The following PLAC1 variants were observed in gnomAD, a reference collection of about 807,000 sequenced individuals.
The protein encoded by PLAC1 is placenta associated 1, also known as placenta-specific protein 1.
For synonymous variants in PLAC1, 68 were observed against 62.1 expected (o/e 1.09, Z -0.44); for missense variants, 136 against 163.2 (o/e 0.83, Z 0.91).
intron 2 of PLAC1, among the ~76,000 whole-genome samples, chrX:134,726,329 T>G (rs189461447): frequency 9.0e-6 from 1 of 111,474 alleles, no homozygotes; most frequent in African/African-American, 3.3e-5. Context: ...AGGGGTCTCC[T>G]TGCAGATCCA....
intron 2 of PLAC1, among the ~76,000 whole-genome samples, chrX:134,675,096 T>C (rs2078468739): frequency 1.8e-5 from 2 of 112,293 alleles, no homozygotes; most frequent in African/African-American, 6.5e-5. Context: ...CGTCACTTAA[T>C]GCATCGAACT....
intron 2 of PLAC1, among the ~76,000 whole-genome samples, chrX:134,598,765 A>G (rs1340251101): frequency 9.0e-6 from 1 of 111,432 alleles, no homozygotes; most frequent in Non-Finnish European, 1.9e-5. Flanking sequence ...TTTGTGGGGG[A>G]TGAAATTCAG....
At chrX:134,625,179 A>T (rs2078230138) in intron 1 of PLAC1, among the ~76,000 whole-genome samples, 1 of 111,985 alleles carries the variant, frequency 8.9e-6, no homozygotes, top group African/African-American at 3.2e-5. Flanking sequence ...CAATATCTTA[A>T]TTCATCCCAG....
At chrX:134,672,787 G>A (rs1260706323) in intron 2 of PLAC1, among the ~76,000 whole-genome samples, 1 of 112,868 alleles carries the variant, frequency 8.9e-6, no homozygotes, top group Non-Finnish European at 1.9e-5. Flanking sequence ...ACAATGCCCT[G>A]TAATAGGCAA....
intron 1 of PLAC1, among the ~76,000 whole-genome samples, chrX:134,744,409 T>C (rs2147848762): frequency 8.9e-6 from 1 of 111,954 alleles, no homozygotes; most frequent in South Asian, 3.8e-4. Flanking sequence ...CCTAGAATTA[T>C]ATCAGGTGAC....
intron 2 of PLAC1, among the ~76,000 whole-genome samples, chrX:134,724,956 C>T (rs1014531678): frequency 1.8e-5 from 2 of 109,502 alleles, no homozygotes; most frequent in African/African-American, 3.3e-5. Context: ...GAGCTGTGAT[C>T]GTGCCACTGC....
intron 1 of PLAC1, among the ~76,000 whole-genome samples, chrX:134,610,872 G>A (rs775466446): frequency 1.1e-4 from 12 of 111,343 alleles, no homozygotes; most frequent in Non-Finnish European, 2.3e-4. Context: ...CTGTTGCCCC[G>A]GCTAGAGTGC....
At chrX:134,690,449 T>C (rs146876273) in intron 2 of PLAC1, among the ~76,000 whole-genome samples, 2,352 of 110,811 alleles carry the variant, frequency 0.021, 31 homozygotes, top group Non-Finnish European at 0.028. Context: ...TTTGAGAAAA[T>C]ACCAAGACAA....
chrX:134,610,435 C>T (rs2078147001), intron 1 of PLAC1, among the ~76,000 whole-genome samples: 1 of 111,124 alleles, frequency 9.0e-6, no homozygotes, highest in African/African-American at 3.3e-5. Flanking sequence ...CATTGCAAAG[C>T]TTCCAGGAAA....
upstream of PLAC1, among the ~76,000 whole-genome samples, chrX:134,661,217 A>G (rs2078415304): frequency 8.9e-6 from 1 of 111,833 alleles, no homozygotes. Context: ...CCCAGAATAG[A>G]TCAGGCCGCT....
chrX:134,690,584 A>G (rs1419196285), intron 2 of PLAC1, among the ~76,000 whole-genome samples: 2 of 110,669 alleles, frequency 1.8e-5, no homozygotes, highest in Admixed American at 9.7e-5. Context: ...TGACTTGAAG[A>G]CAGGGCTCCA....
At chrX:134,755,863 T>C (rs1164204363) in intron 1 of PLAC1, among the ~76,000 whole-genome samples, 2 of 89,077 alleles carry the variant, frequency 2.2e-5, no homozygotes, top group African/African-American at 4.3e-5. Context: ...TTTCTTTTTT[T>C]TTTTTTTTTT....
chrX:134,689,782 C>T (rs150673359), intron 2 of PLAC1, among the ~76,000 whole-genome samples: 2,553 of 112,041 alleles, frequency 0.023, 75 homozygotes, highest in African/African-American at 0.076. Context: ...TTCCTGATTG[C>T]CATATCTGCA....
At chrX:134,691,518 G>A (rs1341007457) in intron 2 of PLAC1, among the ~76,000 whole-genome samples, 1 of 111,493 alleles carries the variant, frequency 9.0e-6, no homozygotes, top group Non-Finnish European at 1.9e-5. Context: ...GAAAGGAACG[G>A]CATCAGACGT....
intron 1 of PLAC1, among the ~76,000 whole-genome samples, chrX:134,636,947 T>C (rs1291156212): frequency 8.9e-6 from 1 of 112,527 alleles, no homozygotes; most frequent in Non-Finnish European, 1.9e-5. Context: ...AGCGAATGAA[T>C]GCAAAGCCCC....
At chrX:134,679,618 G>T in intron 2 of PLAC1, among the ~76,000 whole-genome samples, 1 of 111,414 alleles carries the variant, frequency 9.0e-6, no homozygotes. Flanking sequence ...TGCAATGTGT[G>T]GTAATAATTT....
chrX:134,755,579 T>G (rs1162603625), intron 1 of PLAC1, among the ~76,000 whole-genome samples: 1 of 111,530 alleles, frequency 9.0e-6, no homozygotes, highest in African/African-American at 3.3e-5. Flanking sequence ...CTCCAAATGA[T>G]CCAGATGGTC....
At chrX:134,742,098 C>T (rs2078718336) in intron 1 of PLAC1, among the ~76,000 whole-genome samples, 1 of 112,525 alleles carries the variant, frequency 8.9e-6, no homozygotes, top group Non-Finnish European at 1.9e-5. Flanking sequence ...TCATGTATGG[C>T]TGTCTAAAGC....
At chrX:134,643,407 C>A (rs964720746) in intron 1 of PLAC1, among the ~76,000 whole-genome samples, 1 of 111,675 alleles carries the variant, frequency 9.0e-6, no homozygotes, top group Non-Finnish European at 1.9e-5. Context: ...GAGAAACTTC[C>A]AACTTATTTT....
Sources: gnomAD v4.1 joint callset for allele counts (sites outside exome capture counted in the v4.1 genomes callset) on GRCh38, gnomAD v4.1.1 for gene constraint, MANE v1.5 for transcripts, NCBI Gene and HGNC (gene_info 2026-07-23, HGNC 2026-07-21) for gene names.